HSD17B4: variants seen among roughly 807,000 people sequenced by gnomAD.
The protein encoded by HSD17B4 is peroxisomal multifunctional enzyme type 2.
Under a neutral mutation model 101.0 loss-of-function variants are expected in HSD17B4, and 70 were observed. The observed-to-expected ratio is 0.69, with a 90% CI of 0.57 to 0.85. The LOEUF (loss-of-function observed/expected upper bound fraction) is 0.85, where lower values mean the gene tolerates loss of function less well. Among genes scored for constraint, HSD17B4 ranks in the 40% least tolerant of loss-of-function variants. The pLI is 0.00. For synonymous variants in HSD17B4, 347 were observed against 297.1 expected (o/e 1.17, Z -1.73); for missense variants, 984 against 892.4 (o/e 1.10, Z -1.31).
intron 14 of HSD17B4, among the ~76,000 whole-genome samples, chr5:119,502,359 G>A (rs1183149955): frequency 1.3e-5 from 2 of 152,030 alleles, no homozygotes; most frequent in African/African-American, 2.4e-5. Flanking sequence ...AGGAACGTTC[G>A]TGTATGTGCT....
chr5:119,501,839 C>T (rs1018739973), intron 13 of HSD17B4, among the ~76,000 whole-genome samples: 2 of 152,070 alleles, frequency 1.3e-5, no homozygotes, highest in Non-Finnish European at 1.5e-5. Context: ...CTTCTCTGCT[C>T]CAGAAGAGCT....
chr5:119,541,491 G>A (rs753640185), intron 23 of HSD17B4, among the ~76,000 whole-genome samples: 1 of 152,064 alleles, frequency 6.6e-6, no homozygotes, highest in African/African-American at 2.4e-5. Flanking sequence ...TTGTCATTTC[G>A]TGGCTTTCTA....
intron 2 of HSD17B4, among the ~76,000 whole-genome samples, chr5:119,459,712 T>A (rs977125861): frequency 6.6e-6 from 1 of 152,150 alleles, no homozygotes; most frequent in Non-Finnish European, 1.5e-5. Flanking sequence ...CTGAGTGTGC[T>A]GGCTCTCGTC....
At chr5:119,484,092 C>T (rs935776288) in intron 8 of HSD17B4, among the ~76,000 whole-genome samples, 14 of 152,184 alleles carry the variant, frequency 9.2e-5, no homozygotes, top group South Asian at 4.1e-4. Flanking sequence ...CCTGTGGTCA[C>T]AGCTACTTGG....
At chr5:119,455,728 G>C (rs1028597058) in intron 1 of HSD17B4, among the ~76,000 whole-genome samples, 3 of 151,992 alleles carry the variant, frequency 2.0e-5, no homozygotes, top group African/African-American at 4.8e-5. Flanking sequence ...TTCAATACAG[G>C]CAATTAGGTT....
chr5:119,505,149 A>G (rs1347726620), intron 14 of HSD17B4, among the ~76,000 whole-genome samples: 7 of 148,358 alleles, frequency 4.7e-5, no homozygotes, highest in African/African-American at 1.5e-4. Context: ...CTGTAGTTTT[A>G]TAGTATAGTT....
At chr5:119,473,314 CTTT>C (rs767536359) in intron 2 of HSD17B4, among the ~76,000 whole-genome samples, 1 of 58,438 alleles carries the variant, frequency 1.7e-5, no homozygotes, top group Non-Finnish European at 3.6e-5. Flanking sequence ...TTCCCTGCTC[CTTT>C]TTTTTTTTTT....
intron 13 of HSD17B4, among the ~76,000 whole-genome samples, chr5:119,500,932 G>GAT (rs1440448205): frequency 1.3e-5 from 2 of 152,130 alleles, no homozygotes; most frequent in African/African-American, 2.4e-5. Flanking sequence ...ATGGGGCTAT[G>GAT]AGCTGGTATC....
chr5:119,487,228 G>C (rs933700173), intron 8 of HSD17B4: 8 of 148,166 alleles, frequency 5.4e-5, no homozygotes, highest in African/African-American at 2.0e-4. Flanking sequence ...GTAGCACTAG[G>C]GACTCTTTTC....
chr5:119,465,872 C>T lies in HSD17B4; in HGVS notation c.113-8036C>T, dbSNP rs148162200. ...CTTTCAGCACTATGTTGAATAAGAG[C>T]GGTGAAAGTGGGCATTTTTATTTTG... On this transcript the variant is annotated intron_variant, in intron 2 of 23. Transcript: ENST00000510025. 3.8e-3 allele frequency among the ~76,000 whole-genome samples: 586 copies of T among 152,208 alleles called. 3 individuals carry two copies. The highest frequency in any genetic ancestry group is 0.013 in the African/African-American group (554 of 41,528).
intron 6 of HSD17B4, among the ~76,000 whole-genome samples, chr5:119,476,949 A>C (rs933012463): frequency 9.2e-5 from 14 of 152,220 alleles, no homozygotes; most frequent in African/African-American, 3.4e-4. Context: ...CGTTAGATTG[A>C]AATTTGTGAA....
intron 17 of HSD17B4, among the ~76,000 whole-genome samples, chr5:119,516,243 A>T (rs143940599): frequency 2.7e-4 from 41 of 152,288 alleles, no homozygotes; most frequent in African/African-American, 9.1e-4. Context: ...ATGTGCTCAT[A>T]TTTATGTTTA....
chr5:119,481,453 A>G lies in HSD17B4; in HGVS notation c.622+2432A>G, dbSNP rs140692559. On this transcript the variant is annotated intron_variant, in intron 8 of 23. Transcript: ENST00000510025. ...GTGGCTTTTTTCTTTCAACACTTTA[A>G]ATACAGGCATATCTTGGAGATGTTG... Among the ~76,000 whole-genome samples, 470 of 152,228 alleles carry G rather than the reference A, an allele frequency of 3.1e-3. 14 individuals are homozygous for G. Among genetic ancestry groups the G allele is most frequent in the Admixed American group, 0.028 (431 of 15,282 alleles).
At chr5:119,485,313 G>T (rs371201176) in intron 8 of HSD17B4, among the ~76,000 whole-genome samples, 1 of 152,050 alleles carries the variant, frequency 6.6e-6, no homozygotes, top group Non-Finnish European at 1.5e-5. Context: ...TCATTTATTT[G>T]AACAGATCTG....
At chr5:119,525,726 C>CTTTTTTTA in intron 18 of HSD17B4, 191 bp from the exon 19 acceptor site, 1 of 347,710 alleles carries the variant, frequency 2.9e-6, no homozygotes, top group South Asian at 4.5e-5. Context: ...TTTTTTTTTT[C>CTTTTTTTA]TTTCTTTCTT....
intron 22 of HSD17B4, 99 bp downstream of exon 22, chr5:119,531,503 C>T (rs1754102996): frequency 1.1e-5 from 13 of 1,231,312 alleles, no homozygotes; most frequent in Non-Finnish European, 1.5e-5. Context: ...GTAAATCTTA[C>T]CTTTTTAGGT....
intron 13 of HSD17B4, 171 bp downstream of exon 13, chr5:119,499,724 G>A: frequency 2.5e-6 from 1 of 405,822 alleles, no homozygotes. Flanking sequence ...ATAAAAGAGG[G>A]GAGAGTTAGT....
rs1755374498 is a variant in HSD17B4, at chr5:119,462,597, G to GT, written c.112+6232dup. 2.0e-5 allele frequency among the ~76,000 whole-genome samples: 3 copies of GT among 150,226 alleles called. No homozygotes were observed. The South Asian group carries it at 6.2e-4, about 31-fold the overall frequency. On this transcript the variant is annotated intron_variant, in intron 2 of 23. Transcript: ENST00000510025. Reference sequence around the variant, plus strand: ...ATTACTACTAGAATTTTAGCTATACGTTTAAGTGGTAACAGTGTCACATGT... The same window carrying GT: ...ATTACTACTAGAATTTTAGCTATACGTTTTAAGTGGTAACAGTGTCACATGT...
chr5:119,459,620 C>T (rs1451360208), intron 2 of HSD17B4, among the ~76,000 whole-genome samples: 1 of 152,120 alleles, frequency 6.6e-6, no homozygotes, highest in Non-Finnish European at 1.5e-5. Context: ...TGCTGAGGGG[C>T]TACATCTGGT....
Sources: gnomAD v4.1 joint callset for allele counts (sites outside exome capture counted in the v4.1 genomes callset) on GRCh38, gnomAD v4.1.1 for gene constraint, MANE v1.5 for transcripts, NCBI Gene and HGNC (gene_info 2026-07-23, HGNC 2026-07-21) for gene names.